The following POC1A variants were observed in gnomAD, a reference collection of about 807,000 sequenced individuals.
The protein encoded by POC1A is POC1 centriolar protein homolog A.
In POC1A, 34 loss-of-function variants were observed where a neutral mutation model predicts 47.8. The ratio of observed to expected loss-of-function variants is 0.71; its 90% CI spans 0.54 to 0.95. The LOEUF is 0.95. Among genes scored for constraint, POC1A ranks in the 40% least tolerant of loss-of-function variants. POC1A has a pLI of 0.00. For synonymous variants in POC1A, 177 were observed against 207.6 expected, an observed-to-expected ratio of 0.85 and a Z score of 1.27; for missense variants, 466 against 528.3, an observed-to-expected ratio of 0.88 and a Z score of 1.16.
chr3:52,128,523 G>C (rs553865904), intron 7 of POC1A, among the ~76,000 whole-genome samples: 4 of 152,272 alleles, frequency 2.6e-5, no homozygotes, highest in South Asian at 2.1e-4. Flanking sequence ...TTCCACGAAG[G>C]CTCCTGTTCT....
At chr3:52,123,315 G>A (rs1703864699) in intron 8 of POC1A, among the ~76,000 whole-genome samples, 1 of 152,240 alleles carries the variant, frequency 6.6e-6, no homozygotes, top group Non-Finnish European at 1.5e-5. Context: ...GCTCCCTGCT[G>A]GAGGCTGCTG....
intron 10 of POC1A, among the ~76,000 whole-genome samples, chr3:52,086,726 C>A (rs1295080659): frequency 6.6e-6 from 1 of 152,270 alleles, no homozygotes; most frequent in Non-Finnish European, 1.5e-5. Context: ...AGCCACCAAC[C>A]AGTACCTAAT....
At chr3:52,110,404 G>C (rs1032977996) in intron 9 of POC1A, among the ~76,000 whole-genome samples, 5 of 152,102 alleles carry the variant, frequency 3.3e-5, no homozygotes, top group African/African-American at 1.2e-4. Context: ...AGCAGTGAAT[G>C]GTGGCCCCAA....
chr3:52,136,111 G>T (rs1311165052), intron 7 of POC1A, among the ~76,000 whole-genome samples: 1 of 152,176 alleles, frequency 6.6e-6, no homozygotes, highest in Non-Finnish European at 1.5e-5. Context: ...AGGCCCAGGG[G>T]TTCCTACACC....
intron 10 of POC1A, among the ~76,000 whole-genome samples, chr3:52,078,340 A>G (rs1173666818): frequency 6.6e-6 from 1 of 151,836 alleles, no homozygotes. Context: ...TGTACATTAG[A>G]ATGCTGTCTG....
intron 7 of POC1A, 111 bp downstream of exon 7, chr3:52,138,058 T>C (rs1196666432): frequency 1.3e-5 from 15 of 1,179,496 alleles, no homozygotes; most frequent in Non-Finnish European, 1.7e-5. Context: ...CCTCCATCCA[T>C]CTCCCTGCAG....
chr3:52,107,702 G>A (rs951168736), intron 9 of POC1A, among the ~76,000 whole-genome samples: 3 of 152,238 alleles, frequency 2.0e-5, no homozygotes, highest in Non-Finnish European at 2.9e-5. Flanking sequence ...AGTGCTGACT[G>A]TAGATTTCTT....
intron 1 of POC1A, among the ~76,000 whole-genome samples, chr3:52,153,326 G>A (rs1698614718): frequency 6.6e-6 from 1 of 152,194 alleles, no homozygotes; most frequent in Admixed American, 6.5e-5. Flanking sequence ...AGCATTTTGG[G>A]TGCTCCAGGA....
At chr3:52,108,894 C>T (rs1026815857) in intron 9 of POC1A, among the ~76,000 whole-genome samples, 1 of 152,188 alleles carries the variant, frequency 6.6e-6, no homozygotes, top group Admixed American at 6.5e-5. Flanking sequence ...ACAGCCAGTG[C>T]CCCCCAGCGG....
Position 52,075,787 on chromosome 3 carries a change from C to T in POC1A, c.*100G>A, listed in dbSNP as rs1164624987. On this transcript the variant is annotated 3_prime_UTR_variant, in exon 11 of 11. Transcript: ENST00000296484. ...CCAGGGCTCCAGTATGGATGTGATT[C>T]CCACAGAGTTCAGTCCCCTTTATTT... is the stretch of plus-strand genomic sequence containing the variant. The T allele has an allele frequency of 5.7e-6, 5 of 877,256 alleles. No homozygotes were observed. In the African/African-American group the frequency reaches 6.6e-5, roughly 12 times the overall value. The allele number at this position is 877,256 out of a possible 1,614,324, so 54.3% of individuals were successfully genotyped here.
At chr3:52,122,628 T>TA in intron 8 of POC1A, 151 bp from the exon 9 acceptor site, 1 of 634,758 alleles carries the variant, frequency 1.6e-6, no homozygotes. Context: ...TTCCGGGACC[T>TA]ACCCCACCTC....
intron 8 of POC1A, among the ~76,000 whole-genome samples, chr3:52,123,924 G>A (rs1249496604): frequency 6.6e-6 from 1 of 152,192 alleles, no homozygotes; most frequent in Non-Finnish European, 1.5e-5. Context: ...GGAAGGCTCA[G>A]GAGTCACTTT....
intron 10 of POC1A, among the ~76,000 whole-genome samples, chr3:52,080,907 T>C (rs569707584): frequency 5.9e-5 from 9 of 152,282 alleles, no homozygotes; most frequent in African/African-American, 1.9e-4. Flanking sequence ...GCACTGTCAC[T>C]CCTCACCCGA....
At chr3:52,102,878 A>C (rs982662228) in intron 9 of POC1A, among the ~76,000 whole-genome samples, 1 of 152,238 alleles carries the variant, frequency 6.6e-6, no homozygotes, top group Non-Finnish European at 1.5e-5. Flanking sequence ...ATTTACATGG[A>C]AAGGCAAAGG....
In POC1A at chr3:52,145,906, T is replaced by A. The variant is rs749016718; in HGVS notation, c.619A>T (p.Met207Leu). 6.2e-7 allele frequency: 1 copy of A among 1,613,916 alleles called. No homozygotes were observed. Among genetic ancestry groups the A allele is most frequent in the African/African-American group, 1.3e-5 (1 of 74,932 alleles). ...TCCCACACCTTCACTGTGTTGTCCA[T>A]GCCGGCAGCGGCAATGCACGTCCCA... The part of the protein sequence containing the change: ...PSGTCIAAAG[M>L]DNTVKVWDVR... Residue 207 changes from methionine to leucine, a missense_variant, in exon 6 of 11, where the codon ATG (methionine) becomes TTG (leucine). Met to Leu is a conservative substitution (Grantham distance 15, BLOSUM62 2). Transcript: ENST00000296484.
Position 52,145,981 on chromosome 3 carries a change from T to C in POC1A, c.564-20A>G. 2 of 1,457,444 alleles carry C rather than the reference T, an allele frequency of 1.4e-6. No homozygotes were observed. Among genetic ancestry groups the C allele is most frequent in the Non-Finnish European group, 1.9e-6 (2 of 1,037,966 alleles). The allele number at this position is 1,457,444 out of a possible 1,614,324, so 90.3% of individuals were successfully genotyped here. A position where few individuals can be genotyped will look rare whatever the true frequency, so the allele number is the denominator to read the frequency against. On this transcript the variant is annotated intron_variant, in intron 5 of 10. Transcript: ENST00000296484. The stretch of plus-strand genomic sequence containing the variant: ...ACAAAGCTGGAAAGACAGGGGCCAC[T>C]ATGCACTATAGGAGGTCTGCCCTGG...
intron 7 of POC1A, among the ~76,000 whole-genome samples, chr3:52,125,708 G>C (rs889049096): frequency 4.6e-5 from 7 of 152,148 alleles, no homozygotes; most frequent in African/African-American, 1.7e-4. Context: ...ACAGGAAGGA[G>C]GTTTCCAAAG....
chr3:52,132,977 C>T (rs544967201), intron 7 of POC1A, among the ~76,000 whole-genome samples: 58 of 151,600 alleles, frequency 3.8e-4, no homozygotes, highest in Non-Finnish European at 6.9e-4. Flanking sequence ...ACCTGGGAGA[C>T]GGAGGTTGCA....
intron 9 of POC1A, among the ~76,000 whole-genome samples, chr3:52,121,161 G>A (rs192572072): frequency 1.3e-5 from 2 of 152,286 alleles, no homozygotes; most frequent in African/African-American, 4.8e-5. Context: ...ACAGGGTAGC[G>A]AGCATAAAAG....
Sources: gnomAD v4.1 joint callset for allele counts (sites outside exome capture counted in the v4.1 genomes callset) on GRCh38, gnomAD v4.1.1 for gene constraint, MANE v1.5 for transcripts, NCBI Gene and HGNC (gene_info 2026-07-23, HGNC 2026-07-21) for gene names.